The following MAP3K21 variants were observed in gnomAD, a reference collection of about 807,000 sequenced individuals.
MAP3K21 encodes the protein mitogen-activated protein kinase kinase kinase MLK4.
In MAP3K21, 63 loss-of-function variants were observed where a neutral mutation model predicts 86.1. That is an observed-to-expected ratio of 0.73 (90% confidence interval 0.60 to 0.90). The LOEUF is 0.90. Ranked by LOEUF, MAP3K21 falls within the 40% of genes least tolerant of loss-of-function variation. The probability of loss-of-function intolerance (pLI) is 0.00; values close to 1 mark genes in which losing one functional copy is unlikely to be tolerated. For missense variants in MAP3K21, 1,220 were observed against 1,367.7 expected (o/e 0.89, Z 1.70); for synonymous variants, 558 against 564.8 (o/e 0.99, Z 0.17).
Position 233,362,064 on chromosome 1 carries a change from C to G in MAP3K21, c.1323C>G (p.Ser441=). ...AATCTGTGTCGCAGGAGCTGCGATC[C>G]CGGGAAGAGGAGCTGACTCGGGCGG... is the stretch of plus-strand genomic sequence containing the variant. ...ELRTKEKELR[S]REEELTRAAL... is the part of the protein sequence containing the mutation. The change falls in exon 5 of 10, where the codon TCC becomes TCG. Residue 441 remains serine, a synonymous_variant. Coordinates refer to ENST00000366624, the MANE Select transcript of MAP3K21 (RefSeq NM_032435.3). 6.2e-7 allele frequency: 1 copy of G among 1,612,106 alleles called. No homozygotes were observed.
In MAP3K21 at chr1:233,379,414, CCA is replaced by C; in HGVS notation, c.2412_2413del (p.Pro805PhefsTer13). The C allele has an allele frequency of 6.2e-7, 1 of 1,614,238 alleles. No homozygotes were observed. Among genetic ancestry groups the C allele is most frequent in the East Asian group, 2.2e-5 (1 of 44,872 alleles). ...CTGTCAAGTGCCCTGGGCATCCTCT[CCA>C]CACCTTCTTTCTCCACAAAGTGCCT... On this transcript the variant is annotated frameshift_variant, in exon 9 of 10. Coordinates refer to ENST00000366624, the MANE Select transcript of MAP3K21 (RefSeq NM_032435.3). LOFTEE classifies it high-confidence loss of function.
At chr1:233,374,606 A>G (rs1663753569) in intron 6 of MAP3K21, among the ~76,000 whole-genome samples, 1 of 152,208 alleles carries the variant, frequency 6.6e-6, no homozygotes, top group Non-Finnish European at 1.5e-5. Flanking sequence ...AGTGATATAA[A>G]GGAGTTAAAT....
intron 2 of MAP3K21, among the ~76,000 whole-genome samples, chr1:233,347,915 A>C (rs1361490803): frequency 6.6e-6 from 1 of 151,784 alleles, no homozygotes; most frequent in Non-Finnish European, 1.5e-5. Context: ...AAAAGGATAG[A>C]TGTAAAAAAA....
chr1:233,373,095 A>G (rs962107390), intron 6 of MAP3K21: 1 of 152,176 alleles, frequency 6.6e-6, no homozygotes, highest in Non-Finnish European at 1.5e-5. Flanking sequence ...CCCACAGAGA[A>G]ACTGGATCTA....
chr1:233,381,807 TCTAA>T (rs778939093), intron 9 of MAP3K21, among the ~76,000 whole-genome samples: 1 of 152,234 alleles, frequency 6.6e-6, no homozygotes, highest in Non-Finnish European at 1.5e-5. Context: ...CGTGTAAAAG[TCTAA>T]CTGCTTTTCC....
chr1:233,379,799 T>C (rs1406049657), intron 9 of MAP3K21, 89 bp downstream of exon 9: 3 of 993,380 alleles, frequency 3.0e-6, no homozygotes, highest in Non-Finnish European at 4.5e-6. Flanking sequence ...TATCTTTTCC[T>C]GGTGATGACA....
At position 233,355,012 on chromosome 1, in the gene MAP3K21, G is replaced by C. The variant is rs781271046; in HGVS notation, c.1311+1G>C. 5.6e-6 allele frequency: 9 copies of C among 1,606,420 alleles called. No homozygotes were observed. Among genetic ancestry groups the C allele is most frequent in the Non-Finnish European group, 7.7e-6 (9 of 1,174,994 alleles). ...TGATGAGTTGAGAACAAAGGAAAAG[G>C]TGAGAGAAATTTTTAAACAGCATAA... On this transcript the variant is annotated splice_donor_variant, in intron 4 of 9. Transcript: ENST00000366624. LOFTEE classifies it high-confidence loss of function.
chr1:233,339,383 CCT>C (rs1558451260), intron 1 of MAP3K21, among the ~76,000 whole-genome samples: 1 of 102,310 alleles, frequency 9.8e-6, no homozygotes, highest in African/African-American at 4.3e-5. Flanking sequence ...TCCTTCTTCT[CCT>C]TCTTCTCCTC....
intron 2 of MAP3K21, among the ~76,000 whole-genome samples, chr1:233,348,558 G>A (rs1279422296): frequency 6.6e-6 from 1 of 152,132 alleles, no homozygotes; most frequent in South Asian, 2.1e-4. Context: ...ATTCTTTGAA[G>A]AAGCATTAGA....
chr1:233,328,496 C>T lies in MAP3K21; in HGVS notation c.468C>T (p.Asp156=). The change falls in exon 1 of 10, where the codon GAC becomes GAT. Residue 156 remains aspartate, a synonymous_variant. Transcript: ENST00000366624. This position sits in a 1 kb window ranked among gnomAD's most constrained non-coding sequence, Gnocchi z 8.7. ...TGGCCGTGAAGGCGGCGCGCCAGGA[C>T]CCGGAGCAGGACGCGGCGGCGGCTG... is the stretch of plus-strand genomic sequence containing the variant. ...QEVAVKAARQ[D]PEQDAAAAAE... is the part of the protein sequence containing the mutation. The T allele has an allele frequency of 2.6e-6, 4 of 1,519,218 alleles. No individual in the cohort carries two copies. The highest frequency in any genetic ancestry group is 3.5e-6 in the Non-Finnish European group (4 of 1,143,840). 94.1% of individuals were successfully genotyped at this position (1,519,218 alleles called of 1,614,324 possible).
chr1:233,368,014 C>CT (rs1663612343), intron 5 of MAP3K21, among the ~76,000 whole-genome samples: 1 of 152,206 alleles, frequency 6.6e-6, no homozygotes, highest in Admixed American at 6.5e-5. Flanking sequence ...TCACCCGTGG[C>CT]TTTCCACGTG....
intron 5 of MAP3K21, among the ~76,000 whole-genome samples, chr1:233,368,100 C>T (rs1464239088): frequency 6.6e-6 from 1 of 152,138 alleles, no homozygotes; most frequent in African/African-American, 2.4e-5. Context: ...TCAATCAGAT[C>T]CTGTGGCTTG....
intron 1 of MAP3K21, among the ~76,000 whole-genome samples, chr1:233,338,274 A>G (rs993334726): frequency 2.6e-5 from 4 of 152,266 alleles, no homozygotes; most frequent in Admixed American, 1.3e-4. Context: ...GTCTTCTTGT[A>G]TTTGGTATGC....
chr1:233,345,833 C>A (rs563289738), intron 1 of MAP3K21, among the ~76,000 whole-genome samples: 61 of 152,120 alleles, frequency 4.0e-4, no homozygotes, highest in African/African-American at 1.3e-3. Flanking sequence ...GCTTCACTCC[C>A]GGGAGTTCCC....
chr1:233,384,134 T>G lies in MAP3K21; in HGVS notation c.*1423T>G, dbSNP rs545173644. On this transcript the variant is annotated 3_prime_UTR_variant, in exon 10 of 10. Transcript: ENST00000366624. ...ACTAAATTAAAAACATTGCTTGATA[T>G]TTCATTTAAAATTGCACCTTGCTTA... 1 of 152,344 alleles carries G rather than the reference T, an allele frequency of 6.6e-6. No individual in the cohort carries two copies. The highest frequency in any genetic ancestry group is 2.1e-4 in the South Asian group (1 of 4,830). The allele number at this position is 152,344 out of a possible 1,614,324, so 9.4% of individuals were successfully genotyped here. A position where few individuals can be genotyped will look rare whatever the true frequency, so the allele number is the denominator to read the frequency against.
rs1388269663 is a variant in MAP3K21, at chr1:233,346,449, A to G, written c.813A>G (p.Leu271=). ...HRDLKSSNIL[L]LEKIEHDDIC... ...CTTTTGATTTTTCTTTAGTTTTGCTACTTGAGAAGATAGAACATGATGACA... is the reference window on the plus strand; with the variant it reads ...CTTTTGATTTTTCTTTAGTTTTGCTGCTTGAGAAGATAGAACATGATGACA... Residue 271 remains leucine (L), a synonymous_variant, in exon 2 of 10, where the codon CTA becomes CTG. Coordinates refer to ENST00000366624, the MANE Select transcript of MAP3K21 (RefSeq NM_032435.3). 1.9e-6 allele frequency: 3 copies of G among 1,585,000 alleles called. No individual in the cohort carries two copies. Among genetic ancestry groups the G allele is most frequent in the African/African-American group, 2.7e-5 (2 of 73,426 alleles).
chr1:233,356,394 G>C (rs1321670242), intron 4 of MAP3K21, among the ~76,000 whole-genome samples: 1 of 152,174 alleles, frequency 6.6e-6, no homozygotes, highest in African/African-American at 2.4e-5. Context: ...AGTACAGTTT[G>C]TTAATATATG....
At chr1:233,375,487 G>C (rs1194647303) in intron 6 of MAP3K21, among the ~76,000 whole-genome samples, 1 of 152,138 alleles carries the variant, frequency 6.6e-6, no homozygotes, top group Admixed American at 6.5e-5. Flanking sequence ...AAAATTAGTT[G>C]AAATTACAAT....
chr1:233,379,183 G>A lies in MAP3K21; in HGVS notation c.2177G>A (p.Cys726Tyr), dbSNP rs765937681. ...AAAACGGAGTCAGCTCTGTATGGGT[G>A]CACCGTCCTTCTGGCATCGGTGGCT... ...RKKTESALYG[C>Y]TVLLASVALG... Residue 726 changes from cysteine to tyrosine, a missense_variant, in exon 9 of 10, where the codon TGC becomes TAC. Physicochemically the swap from Cys to Tyr is radical, Grantham distance 194. Around this residue, in one of 5 missense-constraint regions of MAP3K21, gnomAD observed 632 missense variants for 691.3 expected, o/e 0.91. Coordinates refer to ENST00000366624, the MANE Select transcript of MAP3K21 (RefSeq NM_032435.3). 6.2e-7 allele frequency: 1 copy of A among 1,614,182 alleles called. No homozygotes were observed. Among genetic ancestry groups the A allele is most frequent in the Non-Finnish European group, 8.5e-7 (1 of 1,180,026 alleles).
Sources: gnomAD v4.1 joint callset for allele counts (sites outside exome capture counted in the v4.1 genomes callset) on GRCh38, gnomAD v4.1.1 for gene constraint, gnomAD v4.1.1 regional missense constraint, Gnocchi (gnomAD v3.1) non-coding constraint, MANE v1.5 for transcripts, NCBI Gene and HGNC (gene_info 2026-07-23, HGNC 2026-07-21) for gene names.